TRIM4: variants seen among roughly 807,000 people sequenced by gnomAD.
TRIM4 encodes the protein E3 ubiquitin-protein ligase TRIM4.
In TRIM4, 29 loss-of-function variants were observed where a neutral mutation model predicts 33.7. That is an observed-to-expected ratio of 0.86 (90% CI 0.64 to 1.17). TRIM4 has a LOEUF of 1.17. TRIM4 is among the 50% of genes most tolerant of loss of function. TRIM4 has a pLI of 0.00. For missense variants in TRIM4, 554 were observed against 593.7 expected, an observed-to-expected ratio of 0.93 and a Z score of 0.69; for synonymous variants, 224 against 233.0, an observed-to-expected ratio of 0.96 and a Z score of 0.35.
At chr7:99,910,521 T>C (rs571964222) in intron 1 of TRIM4, among the ~76,000 whole-genome samples, 24 of 152,318 alleles carry the variant, frequency 1.6e-4, no homozygotes, top group Non-Finnish European at 2.5e-4. Context: ...TAAGACAATA[T>C]GTATTGTACA....
intron 3 of TRIM4, chr7:99,908,208 G>A (rs1179422324): frequency 6.0e-6 from 1 of 166,802 alleles, no homozygotes; most frequent in African/African-American, 2.4e-5. Context: ...AGAAAGTTAA[G>A]TGTCTCTTAA....
intron 2 of TRIM4, among the ~76,000 whole-genome samples, chr7:99,909,244 A>G (rs1819382146): frequency 6.6e-6 from 1 of 151,966 alleles, no homozygotes. Context: ...TATTTAGGAA[A>G]AAGTAGGAAG....
At chr7:99,896,554 C>T (rs1449260499) in intron 5 of TRIM4, among the ~76,000 whole-genome samples, 1 of 152,236 alleles carries the variant, frequency 6.6e-6, no homozygotes, top group South Asian at 2.1e-4. Context: ...AATCCTATGT[C>T]TCATTCACCG....
intron 5 of TRIM4, chr7:99,901,975 C>T (rs913195575): frequency 5.0e-5 from 31 of 624,792 alleles, no homozygotes; most frequent in Non-Finnish European, 7.7e-5. Flanking sequence ...CTCAGCAAGT[C>T]TCCCTGGCTC....
chr7:99,909,472 A>C, intron 2 of TRIM4, 93 bp downstream of exon 2: 3 of 1,065,406 alleles, frequency 2.8e-6, no homozygotes, highest in Non-Finnish European at 4.2e-6. Flanking sequence ...GTGAACTGCA[A>C]AACCCCATGA....
intron 5 of TRIM4, chr7:99,901,866 T>G: frequency 2.0e-6 from 1 of 500,696 alleles, no homozygotes; most frequent in Admixed American, 3.6e-5. Flanking sequence ...ATGGCGAGGG[T>G]TCTCTCTGTG....
intron 1 of TRIM4, among the ~76,000 whole-genome samples, chr7:99,918,171 T>C (rs777906535): frequency 1.1e-4 from 16 of 152,248 alleles, no homozygotes; most frequent in Non-Finnish European, 2.4e-4. Flanking sequence ...ACAGTATCCA[T>C]TTAGCCATAC....
intron 5 of TRIM4, among the ~76,000 whole-genome samples, chr7:99,895,940 G>C (rs1819006862): frequency 6.6e-6 from 1 of 151,146 alleles, no homozygotes; most frequent in Admixed American, 6.6e-5. Flanking sequence ...GTAAAAAATT[G>C]GGTCTTATTT....
intron 1 of TRIM4, among the ~76,000 whole-genome samples, chr7:99,911,902 A>T (rs1179643031): frequency 2.0e-5 from 3 of 152,262 alleles, no homozygotes; most frequent in Non-Finnish European, 4.4e-5. Flanking sequence ...ATTGATAGGA[A>T]GGTGGATAAA....
intron 1 of TRIM4, among the ~76,000 whole-genome samples, chr7:99,913,270 G>A (rs1819484464): frequency 6.6e-6 from 1 of 152,088 alleles, no homozygotes; most frequent in South Asian, 2.1e-4. Context: ...CAGCCTTGGT[G>A]GAAGTTAGAA....
At chr7:99,911,765 A>T (rs1819447697) in intron 1 of TRIM4, among the ~76,000 whole-genome samples, 1 of 152,356 alleles carries the variant, frequency 6.6e-6, no homozygotes, top group South Asian at 2.1e-4. Context: ...CATTAATCCT[A>T]GGGTACAGCA....
intron 3 of TRIM4, among the ~76,000 whole-genome samples, chr7:99,904,803 G>A (rs1034139059): frequency 1.3e-5 from 2 of 152,016 alleles, no homozygotes; most frequent in Non-Finnish European, 2.9e-5. Flanking sequence ...AGGCTTAGGT[G>A]GGTGGATCAC....
intron 5 of TRIM4, among the ~76,000 whole-genome samples, chr7:99,894,198 G>A (rs182180137): frequency 6.6e-6 from 1 of 152,144 alleles, no homozygotes; most frequent in Non-Finnish European, 1.5e-5. Flanking sequence ...GTTCATGAGA[G>A]ACATTGATGT....
intron 2 of TRIM4, among the ~76,000 whole-genome samples, 158 bp from the exon 3 acceptor site, chr7:99,908,970 A>T (rs918231462): frequency 6.6e-6 from 1 of 152,128 alleles, no homozygotes; most frequent in Non-Finnish European, 1.5e-5. Flanking sequence ...CTTTATTTAT[A>T]CCTACTTGAT....
intron 1 of TRIM4, among the ~76,000 whole-genome samples, chr7:99,917,116 A>C (rs1021354422): frequency 2.6e-5 from 4 of 151,834 alleles, no homozygotes; most frequent in Middle Eastern, 3.2e-3. Context: ...GCCTTTCCTC[A>C]CTCCTCAGTG....
chr7:99,914,953 G>A (rs1819521327), intron 1 of TRIM4, among the ~76,000 whole-genome samples: 1 of 151,992 alleles, frequency 6.6e-6, no homozygotes, highest in Non-Finnish European at 1.5e-5. Flanking sequence ...GGGATTACAG[G>A]TGCCCACCGC....
chr7:99,907,797 T>C (rs1190657111), intron 3 of TRIM4, among the ~76,000 whole-genome samples: 1 of 152,200 alleles, frequency 6.6e-6, no homozygotes, highest in African/African-American at 2.4e-5. Flanking sequence ...AAAAAAATAG[T>C]AATGGTAGAC....
chr7:99,909,898 AT>A (rs1034356129), intron 1 of TRIM4, among the ~76,000 whole-genome samples: 2 of 151,602 alleles, frequency 1.3e-5, no homozygotes, highest in Non-Finnish European at 2.9e-5. Flanking sequence ...GGTCCAACTA[AT>A]TTTTTTATGT....
In TRIM4 at chr7:99,902,263, T is replaced by C. The variant is rs369963284; in HGVS notation, c.841+955A>G. ...TGGTTCTTTTTAGTTTGTTTGTTTT[T>C]TGAGACAGAGTCTCACTCTATCGCC... is the stretch of plus-strand genomic sequence containing the variant. On this transcript the variant is annotated intron_variant, in intron 5 of 5. Transcript: ENST00000349062. The C allele has an allele frequency of 1.4e-5, 10 of 705,994 alleles. No individual in the cohort carries two copies. The African/African-American group carries it at 1.7e-4, about 12-fold the overall frequency. The allele number at this position is 705,994 out of a possible 1,614,324, so 43.7% of individuals were successfully genotyped here. A position where few individuals can be genotyped will look rare whatever the true frequency, so the allele number is the denominator to read the frequency against.
Sources: allele counts gnomAD v4.1 joint callset (sites outside exome capture counted in the v4.1 genomes callset), GRCh38; gene constraint gnomAD v4.1.1; transcripts MANE v1.5; gene names NCBI Gene and HGNC (gene_info 2026-07-23, HGNC 2026-07-21).